The following DDX24 variants were observed in gnomAD, a reference collection of about 807,000 sequenced individuals.
The protein encoded by DDX24 is ATP-dependent RNA helicase DDX24.
DDX24 carries 24 observed loss-of-function variants against 68.9 expected under a neutral mutation model. That is an observed-to-expected ratio of 0.35 (90% confidence interval 0.25 to 0.49). The LOEUF (loss-of-function observed/expected upper bound fraction) is 0.49, where lower values mean the gene tolerates loss of function less well. Among genes scored for constraint, DDX24 ranks in the 20% least tolerant of loss-of-function variants. The probability of loss-of-function intolerance (pLI) is 0.99; values close to 1 mark genes in which losing one functional copy is unlikely to be tolerated. For synonymous variants in DDX24, 395 were observed against 385.2 expected, an observed-to-expected ratio of 1.03 and a Z score of -0.30; for missense variants, 989 against 1,039.0, an observed-to-expected ratio of 0.95 and a Z score of 0.66.
At chr14:94,055,414 T>G (rs1885474777) in intron 6 of DDX24, 1 of 540,602 alleles carries the variant, frequency 1.8e-6, no homozygotes, top group South Asian at 3.0e-5. Context: ...CTGACCCTGG[T>G]TCAGGTCCTC....
chr14:94,061,099 CA>C, intron 3 of DDX24, 33 bp from the exon 4 acceptor site: 1 of 1,608,858 alleles, frequency 6.2e-7, no homozygotes, highest in Non-Finnish European at 8.5e-7. Context: ...GACACTTATT[CA>C]ATCTGGGTGA....
In DDX24 at chr14:94,060,377, C is replaced by G; in HGVS notation, c.1634G>C (p.Arg545Thr). ...LDLLMQKIGM[R>T]GKPKVIDLTR... ...GAGGTCAATGACCTTGGGCTTGCCC[C>G]TCATGCCAATTTTCTGCATAAGGAG... is the stretch of plus-strand genomic sequence containing the variant. Residue 545 changes from arginine to threonine, a missense_variant, in exon 5 of 9, where the codon AGG becomes ACG. Around this residue, in one of 3 missense-constraint regions of DDX24, gnomAD observed 691 missense variants for 760.0 expected, o/e 0.91. Transcript: ENST00000621632. 1 of 1,614,160 alleles carries G rather than the reference C, an allele frequency of 6.2e-7. No homozygotes were observed. Among genetic ancestry groups the G allele is most frequent in the Non-Finnish European group, 8.5e-7 (1 of 1,180,040 alleles).
chr14:94,063,329 TTGA>T (rs1183956918), intron 2 of DDX24, among the ~76,000 whole-genome samples: 1 of 135,364 alleles, frequency 7.4e-6, no homozygotes, highest in African/African-American at 2.6e-5. Flanking sequence ...CATGAAACTT[TTGA>T]TAAGAAGAAC....
chr14:94,078,525 G>T (rs755533214), intron 2 of DDX24, among the ~76,000 whole-genome samples: 1 of 152,098 alleles, frequency 6.6e-6, no homozygotes, highest in Admixed American at 6.5e-5. Context: ...TCCTTCCAAT[G>T]ACAAGAAACT....
Position 94,057,872 on chromosome 14 carries a change from C to T in DDX24, c.1939G>A (p.Ala647Thr), listed in dbSNP as rs1033640278. The change falls in exon 6 of 9, where the codon GCA becomes ACA. Residue 647 changes from alanine (A) to threonine (T), a missense_variant. By Grantham distance (58) the Ala-to-Thr change is moderately conservative. Transcript: ENST00000621632. ...EDCVLLATDVAARGLDIPKVQ... is the reference protein window; with the variant it reads ...EDCVLLATDVTARGLDIPKVQ... ...TTAGGAATATCCAGACCCCGAGCTGCCACATCTGTTGCCAAGAGAACACAG... is the reference window on the plus strand; with the variant it reads ...TTAGGAATATCCAGACCCCGAGCTGTCACATCTGTTGCCAAGAGAACACAG... 6 of 1,613,804 alleles carry T rather than the reference C, an allele frequency of 3.7e-6. No individual in the cohort carries two copies. Among genetic ancestry groups the T allele is most frequent in the Non-Finnish European group, 5.1e-6 (6 of 1,179,926 alleles).
intron 6 of DDX24, chr14:94,055,871 A>G (rs1885482798): frequency 6.6e-6 from 1 of 152,154 alleles, no homozygotes; most frequent in Admixed American, 6.5e-5. Context: ...AACACTGCCC[A>G]TTTCTTTGCT....
intron 2 of DDX24, among the ~76,000 whole-genome samples, chr14:94,065,017 C>T (rs982616275): frequency 2.0e-5 from 3 of 151,700 alleles, no homozygotes; most frequent in African/African-American, 7.3e-5. Context: ...GAAAAACCCA[C>T]ACATTTGATG....
At chr14:94,052,694 T>C (rs567839787) in intron 8 of DDX24, among the ~76,000 whole-genome samples, 13 of 152,282 alleles carry the variant, frequency 8.5e-5, no homozygotes, top group African/African-American at 3.1e-4. Context: ...CTCAGTCACA[T>C]AGTTAAGGCA....
rs1374827368 is a variant in DDX24, at chr14:94,079,504, G to C, written c.239C>G (p.Ala80Gly). The C allele has an allele frequency of 6.2e-7, 1 of 1,613,976 alleles. No individual in the cohort carries two copies. The highest frequency in any genetic ancestry group is 8.5e-7 in the Non-Finnish European group (1 of 1,180,042). ...CTCCTCCTCCTCTTCTTCTGAAACA[G>C]CTTGTGCCTTTCTCTTGGGTGCTTC... ...SKEAPKRKAQAVSEEEEEEEG... is the reference protein window; with the variant it reads ...SKEAPKRKAQGVSEEEEEEEG... The change falls in exon 2 of 9, where the codon GCT becomes GGT. Residue 80 changes from alanine (A) to glycine (G), a missense_variant. Transcript: ENST00000621632.
rs139389411 is a variant in DDX24 at position 94,051,432 on chromosome 14, C to T, written c.2339G>A (p.Arg780Gln). Residue 780 changes from arginine to glutamine, a missense_variant, in exon 9 of 9, where the codon CGG becomes CAG. By Grantham distance (43) the Arg-to-Gln change is conservative. Transcript: ENST00000621632. ...CAGAACCTTCATCTGCTTTTGTCTC[C>T]GACGTTCTTCTTGCTGGTCAGCTTT... ...GGKADQQEER[R>Q]RQKQMKVLKK... 2.9e-5 allele frequency: 46 copies of T among 1,570,522 alleles called. No individual in the cohort carries two copies. In the African/African-American group the frequency reaches 4.0e-4, roughly 14 times the overall value.
intron 5 of DDX24, among the ~76,000 whole-genome samples, chr14:94,058,264 C>T (rs910997705): frequency 4.6e-5 from 7 of 152,160 alleles, no homozygotes; most frequent in African/African-American, 1.4e-4. Context: ...CTTCCTTGCT[C>T]TTCCCCAAAC....
intron 2 of DDX24, among the ~76,000 whole-genome samples, chr14:94,073,086 C>CT (rs10716706): frequency 0.058 from 7,271 of 125,640 alleles, 557 homozygotes; most frequent in African/African-American, 0.17. Context: ...ATTTTCTTTT[C>CT]TTTTTTTTTT....
At position 94,062,087 on chromosome 14, in the gene DDX24, T is replaced by G; in HGVS notation, c.1243+10A>C. On this transcript the variant is annotated intron_variant, in intron 3 of 8. Coordinates refer to ENST00000621632, the MANE Select transcript of DDX24 (RefSeq NM_020414.4). ...CTAGAAAATATTTATTAAATGGAAC[T>G]AAACCTCACCTGTAAACCTGGCCAC... 1 of 1,599,020 alleles carries G rather than the reference T, an allele frequency of 6.3e-7. No individual in the cohort carries two copies. The highest frequency in any genetic ancestry group is 1.3e-5 in the African/African-American group (1 of 74,134).
intron 7 of DDX24, 37 bp from the exon 8 acceptor site, chr14:94,053,164 G>A (rs779378254): frequency 6.2e-7 from 1 of 1,613,366 alleles, no homozygotes; most frequent in Non-Finnish European, 8.5e-7. Flanking sequence ...ATCTGAAATA[G>A]AGTTCAGGCC....
intron 8 of DDX24, among the ~76,000 whole-genome samples, 153 bp downstream of exon 8, chr14:94,052,845 T>C (rs542698508): frequency 5.3e-5 from 8 of 152,274 alleles, no homozygotes; most frequent in Non-Finnish European, 8.8e-5. Context: ...CCGAGGGCAG[T>C]AGGCTCACCT....
intron 2 of DDX24, among the ~76,000 whole-genome samples, chr14:94,075,593 C>T (rs1157360537): frequency 6.6e-6 from 1 of 152,132 alleles, no homozygotes; most frequent in Non-Finnish European, 1.5e-5. Context: ...TTGAATTAGG[C>T]AAAAGGTTCT....
At chr14:94,076,711 T>C (rs1262536343) in intron 2 of DDX24, among the ~76,000 whole-genome samples, 1 of 137,566 alleles carries the variant, frequency 7.3e-6, no homozygotes, top group African/African-American at 2.7e-5. Flanking sequence ...AGCAAGAAAA[T>C]GCAAATTAAT....
rs1885349268 is a variant in DDX24 at position 94,049,590 on chromosome 14, A to G, written c.*1601T>C. 1 of 104,094 alleles carries G rather than the reference A, an allele frequency of 9.6e-6. No individual in the cohort carries two copies. Among genetic ancestry groups the G allele is most frequent in the Non-Finnish European group, 1.8e-5 (1 of 56,026 alleles). 6.4% of individuals were successfully genotyped at this position (104,094 alleles called of 1,614,324 possible). On this transcript the variant is annotated 3_prime_UTR_variant, in exon 9 of 9. Transcript: ENST00000621632. Reference sequence around the variant, plus strand: ...TGGGTGTCTATATGCTCAAGTACAAAAAACACTAATAAAGACTTATAGATG... The same window carrying G: ...TGGGTGTCTATATGCTCAAGTACAAGAAACACTAATAAAGACTTATAGATG...
At chr14:94,063,249 C>A (rs143075513) in intron 2 of DDX24, among the ~76,000 whole-genome samples, 1 of 152,166 alleles carries the variant, frequency 6.6e-6, no homozygotes, top group East Asian at 1.9e-4. Flanking sequence ...AAATAAGCAG[C>A]TCTCAGTAAA....
Sources: gnomAD v4.1 joint callset for allele counts (sites outside exome capture counted in the v4.1 genomes callset) on GRCh38, gnomAD v4.1.1 for gene constraint, gnomAD v4.1.1 regional missense constraint, MANE v1.5 for transcripts, NCBI Gene and HGNC (gene_info 2026-07-23, HGNC 2026-07-21) for gene names.